The following TRPC7 variants were observed in gnomAD, a reference collection of about 807,000 sequenced individuals.
TRPC7 encodes transient receptor potential cation channel subfamily C member 7, also known as short transient receptor potential channel 7.
A neutral mutation model predicts 90.1 loss-of-function variants in TRPC7; 42 were observed. The observed-to-expected ratio is 0.47, with a 90% CI of 0.36 to 0.60. TRPC7 has a LOEUF of 0.60. TRPC7 is among the 20% of genes least tolerant of loss of function. The pLI, the probability that TRPC7 is intolerant of heterozygous loss-of-function variation, is 0.00. For synonymous variants in TRPC7, 451 were observed against 436.3 expected, an observed-to-expected ratio of 1.03 and a Z score of -0.42; for missense variants, 955 against 1,112.3, an observed-to-expected ratio of 0.86 and a Z score of 2.01.
At chr5:136,305,857 A>T (rs547772822) in intron 3 of TRPC7, among the ~76,000 whole-genome samples, 157 of 152,250 alleles carry the variant, frequency 1.0e-3, no homozygotes, top group African/African-American at 3.6e-3. Context: ...CTCACCAAGC[A>T]CAGCCACCAA....
At position 136,247,508 on chromosome 5, in the gene TRPC7, A is replaced by G; in HGVS notation, c.1807T>C (p.Tyr603His). The G allele has an allele frequency of 6.2e-7, 1 of 1,613,988 alleles. No individual in the cohort carries two copies. Among genetic ancestry groups the G allele is most frequent in the East Asian group, 2.2e-5 (1 of 44,878 alleles). The change falls in exon 7 of 12, where the codon TAC (tyrosine) becomes CAC (histidine). Residue 603 changes from tyrosine (Y) to histidine (H), a missense_variant. By Grantham distance (83) the Tyr-to-His change is moderately conservative. Around this residue, in one of 4 missense-constraint regions of TRPC7, gnomAD observed 296 missense variants for 422.7 expected, o/e 0.70. Coordinates refer to ENST00000513104, the MANE Select transcript of TRPC7 (RefSeq NM_020389.3). This position sits in a 1 kb window ranked among gnomAD's most constrained non-coding sequence, Gnocchi z 4.2. ...GGGTTGTATTTGGCACCTCGGTAGT[A>G]AGAGTACAGGTTGAACATCCCAATC... ...FMIGMFNLYS[Y>H]YRGAKYNPAF...
chr5:136,320,643 C>T lies in TRPC7; in HGVS notation c.781-4864G>A, dbSNP rs531705612. ...TACCTACACTATCCTCCAGCCTCCCCATTTTCTCCCTGGTTTTATTTACTG... is the reference window on the plus strand; with the variant it reads ...TACCTACACTATCCTCCAGCCTCCCTATTTTCTCCCTGGTTTTATTTACTG... On this transcript the variant is annotated intron_variant, in intron 2 of 11. Transcript: ENST00000513104. Among the ~76,000 whole-genome samples the T allele has an allele frequency of 3.9e-5, 6 of 152,256 alleles. No individual in the cohort carries two copies. The South Asian group carries it at 1.2e-3, about 32-fold the overall frequency.
chr5:136,340,215 G>C (rs936577390), intron 2 of TRPC7, among the ~76,000 whole-genome samples: 8 of 152,106 alleles, frequency 5.3e-5, no homozygotes, highest in Admixed American at 3.9e-4. Context: ...AAATAAGCTA[G>C]GCACAGACAA....
chr5:136,331,968 G>A (rs1410832574), intron 2 of TRPC7, among the ~76,000 whole-genome samples: 2 of 151,774 alleles, frequency 1.3e-5, no homozygotes, highest in African/African-American at 4.8e-5. Context: ...GGTAAGCAGA[G>A]GGTTTATGCA....
intron 2 of TRPC7, among the ~76,000 whole-genome samples, chr5:136,333,901 T>G (rs1759576787): frequency 6.6e-6 from 1 of 152,194 alleles, no homozygotes; most frequent in African/African-American, 2.4e-5. Context: ...ACAAAAACAT[T>G]TTGGATATGT....
intron 4 of TRPC7, among the ~76,000 whole-genome samples, chr5:136,271,974 C>T (rs1757226203): frequency 6.6e-6 from 1 of 152,136 alleles, no homozygotes; most frequent in Non-Finnish European, 1.5e-5. Flanking sequence ...TTTTGATGCT[C>T]CTAATAGTCT....
At chr5:136,221,982 C>G (rs553824092) in intron 10 of TRPC7, 17 of 152,166 alleles carry the variant, frequency 1.1e-4, no homozygotes, top group African/African-American at 1.4e-4. Context: ...AACTGACAAG[C>G]TGGATCTTGA....
At position 136,340,765 on chromosome 5, in the gene TRPC7, A is replaced by AT. The variant is rs1231640534; in HGVS notation, c.780+15842dup. ...CAACACACAAAATAGACAAACGTCG[A>AT]TTTTTTTCATAAAATACAGTAAAAA... On this transcript the variant is annotated intron_variant, in intron 2 of 11. Transcript: ENST00000513104. Among the ~76,000 whole-genome samples, 9 of 152,156 alleles carry AT rather than the reference A, an allele frequency of 5.9e-5. No individual in the cohort carries two copies. The South Asian group carries it at 1.0e-3, about 18-fold the overall frequency.
chr5:136,274,846 A>G lies in TRPC7; in HGVS notation c.964-9T>C. On this transcript the variant is annotated splice_polypyrimidine_tract_variant and intron_variant, in intron 3 of 11. Transcript: ENST00000513104. ...TTAGGATGAGCAACGAACTGTAAAA[A>G]CAAAACAAAAACAAAAACAAAACGC... 1 of 1,553,842 alleles carries G rather than the reference A, an allele frequency of 6.4e-7. No individual in the cohort carries two copies. Among genetic ancestry groups the G allele is most frequent in the Non-Finnish European group, 8.7e-7 (1 of 1,148,466 alleles).
At chr5:136,233,456 A>G (rs912739942) in intron 7 of TRPC7, among the ~76,000 whole-genome samples, 2 of 152,160 alleles carry the variant, frequency 1.3e-5, no homozygotes, top group Non-Finnish European at 2.9e-5. Context: ...ACAATCTTTC[A>G]GTTATCACAC....
chr5:136,331,923 A>G (rs901425110), intron 2 of TRPC7, among the ~76,000 whole-genome samples: 8 of 152,124 alleles, frequency 5.3e-5, no homozygotes, highest in Non-Finnish European at 1.5e-5. Flanking sequence ...ACTCTCATGG[A>G]GCTTATATTT....
At chr5:136,274,957 T>C in intron 3 of TRPC7, 120 bp from the exon 4 acceptor site, 4 of 1,142,290 alleles carry the variant, frequency 3.5e-6, no homozygotes, top group Non-Finnish European at 4.8e-6. Context: ...GGGGGGTGGT[T>C]GAGGAACCTG....
chr5:136,312,044 A>G (rs1010650915), intron 3 of TRPC7, among the ~76,000 whole-genome samples: 3 of 152,162 alleles, frequency 2.0e-5, no homozygotes, highest in Non-Finnish European at 4.4e-5. Flanking sequence ...AGACAGAGGC[A>G]AGGCTGAGTA....
In TRPC7 at chr5:136,356,714, A is replaced by G; in HGVS notation, c.674T>C (p.Leu225Pro). ...CAGGGACAAGTAGGCAGCACTCGCC[A>G]GTCCTTTGTAGGCGTTCATGCGCGA... ...SRSRMNAYKGLASAAYLSLSS... is the reference protein window; with the variant it reads ...SRSRMNAYKGPASAAYLSLSS... Residue 225 changes from leucine to proline, a missense_variant, in exon 2 of 12, where the codon CTG becomes CCG. By Grantham distance (98) the Leu-to-Pro change is moderately conservative. Transcript: ENST00000513104. The G allele has an allele frequency of 1.2e-6, 2 of 1,611,484 alleles. No homozygotes were observed. Among genetic ancestry groups the G allele is most frequent in the Non-Finnish European group, 1.7e-6 (2 of 1,178,466 alleles).
intron 5 of TRPC7, among the ~76,000 whole-genome samples, chr5:136,265,164 G>A (rs1328477377): frequency 1.3e-5 from 2 of 151,976 alleles, no homozygotes; most frequent in South Asian, 2.1e-4. Context: ...GATTTGACCC[G>A]AATACATTTT....
intron 3 of TRPC7, among the ~76,000 whole-genome samples, chr5:136,311,850 A>C (rs1286122980): frequency 6.6e-6 from 1 of 152,222 alleles, no homozygotes; most frequent in Non-Finnish European, 1.5e-5. Flanking sequence ...GGTGGGTAAG[A>C]GAAATGTCCT....
intron 2 of TRPC7, among the ~76,000 whole-genome samples, chr5:136,353,467 A>G (rs1760265600): frequency 6.6e-6 from 1 of 152,198 alleles, no homozygotes; most frequent in African/African-American, 2.4e-5. Flanking sequence ...ATATGTGACT[A>G]CAAGCAGCAA....
chr5:136,223,942 C>T (rs1234149210), intron 10 of TRPC7, among the ~76,000 whole-genome samples: 1 of 152,184 alleles, frequency 6.6e-6, no homozygotes, highest in Non-Finnish European at 1.5e-5. Context: ...AAGATTTGCC[C>T]ATTGCTAATT....
intron 3 of TRPC7, among the ~76,000 whole-genome samples, chr5:136,312,593 T>C (rs138901086): frequency 6.6e-6 from 1 of 152,292 alleles, no homozygotes; most frequent in Non-Finnish European, 1.5e-5. Flanking sequence ...ACCACAGGGT[T>C]AGGAGAATCA....
Sources: gnomAD v4.1 joint callset for allele counts (sites outside exome capture counted in the v4.1 genomes callset) on GRCh38, gnomAD v4.1.1 for gene constraint, gnomAD v4.1.1 regional missense constraint, Gnocchi (gnomAD v3.1) non-coding constraint, MANE v1.5 for transcripts, NCBI Gene and HGNC (gene_info 2026-07-23, HGNC 2026-07-21) for gene names.